DZIP1: variants seen among roughly 807,000 people sequenced by gnomAD.
DZIP1 encodes DAZ interacting zinc finger protein 1.
Under a neutral mutation model 107.6 loss-of-function variants are expected in DZIP1, and 97 were observed. That is an observed-to-expected ratio of 0.90 (90% CI 0.77 to 1.07). DZIP1 has a LOEUF of 1.07. Among genes scored for constraint, DZIP1 ranks in the 50% least tolerant of loss-of-function variants. The pLI is 0.00. For missense variants in DZIP1, 1,035 were observed against 1,063.6 expected, an observed-to-expected ratio of 0.97 and a Z score of 0.37; for synonymous variants, 390 against 386.4, an observed-to-expected ratio of 1.01 and a Z score of -0.11.
intron 16 of DZIP1, among the ~76,000 whole-genome samples, chr13:95,592,423 C>T (rs1023228682): frequency 1.3e-5 from 2 of 152,180 alleles, no homozygotes; most frequent in Non-Finnish European, 2.9e-5. Context: ...CTTTGATTTC[C>T]ACTGCCCAAA....
intron 13 of DZIP1, among the ~76,000 whole-genome samples, chr13:95,608,944 T>A (rs939950240): frequency 2.0e-5 from 3 of 152,256 alleles, no homozygotes; most frequent in Non-Finnish European, 2.9e-5. Context: ...TTAGCTAGTA[T>A]TTTTAAACAA....
intron 14 of DZIP1, among the ~76,000 whole-genome samples, chr13:95,601,152 G>A (rs922679096): frequency 1.3e-5 from 2 of 152,128 alleles, no homozygotes; most frequent in African/African-American, 4.8e-5. Context: ...GTTCTGATGT[G>A]TTTCCCTCTG....
chr13:95,628,317 A>G (rs1025132516), intron 7 of DZIP1, among the ~76,000 whole-genome samples: 5 of 152,204 alleles, frequency 3.3e-5, no homozygotes, highest in African/African-American at 9.7e-5. Context: ...TACTGGGATT[A>G]CAGTTGTGAG....
At position 95,630,113 on chromosome 13, in the gene DZIP1, T is replaced by C. The variant is rs1450058455; in HGVS notation, c.686A>G (p.Glu229Gly). ...RRHTEENSHF[E>G]YQKNAQIEKL... ...CTCAATCTGTGCATTTTTCTGATAC[T>C]CTGTTGCAACAGAAAATCGTGTTAA... The change falls in exon 7 of 23, where the codon GAG becomes GGG. Residue 229 changes from glutamate to glycine, a missense_variant and splice_region_variant. Transcript: ENST00000376829. 1 of 1,608,998 alleles carries C rather than the reference T, an allele frequency of 6.2e-7. No individual in the cohort carries two copies. Among genetic ancestry groups the C allele is most frequent in the Admixed American group, 1.7e-5 (1 of 58,750 alleles).
At chr13:95,594,981 A>G (rs986553345) in intron 15 of DZIP1, among the ~76,000 whole-genome samples, 5 of 152,212 alleles carry the variant, frequency 3.3e-5, no homozygotes, top group Admixed American at 2.6e-4. Context: ...ACTTCATTAA[A>G]GAGATGCGAC....
chr13:95,584,332 A>T (rs2044093963), intron 22 of DZIP1, among the ~76,000 whole-genome samples: 1 of 151,078 alleles, frequency 6.6e-6, no homozygotes, highest in South Asian at 2.1e-4. Context: ...GCGGTGGCCC[A>T]TGCCTGTAAT....
chr13:95,633,337 C>A lies in DZIP1; in HGVS notation c.598-16G>T, dbSNP rs1454793088. The stretch of plus-strand genomic sequence containing the variant: ...AAAAATGGCACTGAAAAGGAGAGAG[C>A]AACAAATCCAAGTGTCTGTAACGAC... On this transcript the variant is annotated splice_polypyrimidine_tract_variant and intron_variant, in intron 5 of 22. Transcript: ENST00000376829. 1 of 1,603,934 alleles carries A rather than the reference C, an allele frequency of 6.2e-7. No individual in the cohort carries two copies. The highest frequency in any genetic ancestry group is 1.7e-5 in the Admixed American group (1 of 59,944).
rs758020739 is a variant in DZIP1 at position 95,619,901 on chromosome 13, T to C, written c.1157A>G (p.Lys386Arg). Residue 386 changes from lysine (K) to arginine (R), a missense_variant, in exon 10 of 23, where the codon AAG becomes AGG. Physicochemically the swap from Lys to Arg is conservative, Grantham distance 26. Transcript: ENST00000376829. Reference protein sequence around the residue: ...ARVQAIHQEHKKEKGRLLSHI... With the variant: ...ARVQAIHQEHRKEKGRLLSHI... Reference sequence around the variant, plus strand: ...TAACCTTACCCGACCCTTCTCTTTCTTGTGTTCTTGATGAATAGCTTGAAC... The same window carrying C: ...TAACCTTACCCGACCCTTCTCTTTCCTGTGTTCTTGATGAATAGCTTGAAC... The C allele has an allele frequency of 6.2e-7, 1 of 1,613,948 alleles. No individual in the cohort carries two copies. The highest frequency in any genetic ancestry group is 1.7e-5 in the Admixed American group (1 of 60,026).
At chr13:95,613,875 C>A (rs1055164903) in intron 10 of DZIP1, among the ~76,000 whole-genome samples, 1 of 152,142 alleles carries the variant, frequency 6.6e-6, no homozygotes, top group African/African-American at 2.4e-5. Context: ...AAAGTCAGTG[C>A]TCTTTCGGGA....
intron 8 of DZIP1, among the ~76,000 whole-genome samples, chr13:95,623,463 G>A (rs1026502510): frequency 4.6e-5 from 7 of 152,272 alleles, no homozygotes; most frequent in Admixed American, 2.0e-4. Flanking sequence ...ATGCAGATTC[G>A]TAACACAAAG....
Position 95,622,451 on chromosome 13 carries a change from C to T in DZIP1, c.1002G>A (p.Met334Ile). ...YQLSEIQKSN[M>I]QIKSNIGTLK... The stretch of plus-strand genomic sequence containing the variant: ...ATGTGCCTATGTTGGACTTGATCTG[C>T]ATATTGGACTTCTGGATTTCTGACA... Residue 334 changes from methionine to isoleucine, a missense_variant, in exon 9 of 23, where the codon ATG (methionine) becomes ATA (isoleucine). Coordinates refer to ENST00000376829, the MANE Select transcript of DZIP1 (RefSeq NM_198968.4). The T allele has an allele frequency of 6.2e-7, 1 of 1,614,184 alleles. No homozygotes were observed. Among genetic ancestry groups the T allele is most frequent in the African/African-American group, 1.3e-5 (1 of 75,044 alleles).
chr13:95,639,071 T>C (rs1235130657), intron 5 of DZIP1, among the ~76,000 whole-genome samples: 1 of 152,176 alleles, frequency 6.6e-6, no homozygotes, highest in African/African-American at 2.4e-5. Context: ...ACTAACTACA[T>C]GCCAAGCACT....
At chr13:95,610,197 A>T (rs1412452870) in intron 12 of DZIP1, among the ~76,000 whole-genome samples, 1 of 152,070 alleles carries the variant, frequency 6.6e-6, no homozygotes, top group Admixed American at 6.6e-5. Flanking sequence ...TGCCGCAGTC[A>T]GTAGGTTGTG....
At chr13:95,589,081 C>T (rs904369177) in intron 19 of DZIP1, 73 bp downstream of exon 19, 2 of 1,230,720 alleles carry the variant, frequency 1.6e-6, no homozygotes, top group African/African-American at 3.0e-5. Flanking sequence ...AATGAGCACG[C>T]TACTTTAAAA....
At chr13:95,622,559 T>C (rs1594715938) in intron 8 of DZIP1, 79 bp from the exon 9 acceptor site, 1 of 1,552,180 alleles carries the variant, frequency 6.4e-7, no homozygotes, top group East Asian at 2.2e-5. Context: ...AGGGAGCACA[T>C]AGCTGTGTTT....
chr13:95,581,051 T>C lies in DZIP1; in HGVS notation c.*1183A>G, dbSNP rs2044004335. The C allele has an allele frequency of 6.6e-6, 1 of 152,202 alleles. No individual in the cohort carries two copies. The highest frequency in any genetic ancestry group is 2.4e-5 in the African/African-American group (1 of 41,438). 9.4% of individuals were successfully genotyped at this position (152,202 alleles called of 1,614,324 possible). A position where few individuals can be genotyped will look rare whatever the true frequency, so the allele number is the denominator to read the frequency against. ...CAATCAAGGCCAGATTCTCCCTCTG[T>C]AAGACCCCTAATAAGTACAAATTTA... On this transcript the variant is annotated 3_prime_UTR_variant, in exon 23 of 23. Transcript: ENST00000376829.
Position 95,642,222 on chromosome 13 carries a change from G to A in DZIP1, c.-193C>T. The A allele has an allele frequency of 1.5e-6, 1 of 660,288 alleles. No individual in the cohort carries two copies. The highest frequency in any genetic ancestry group is 3.4e-5 in the East Asian group (1 of 29,036). 40.9% of individuals were successfully genotyped at this position (660,288 alleles called of 1,614,324 possible). A position where few individuals can be genotyped will look rare whatever the true frequency, so the allele number is the denominator to read the frequency against. ...CAAAGGGCGCGTCTGCCCGCGCAGG[G>A]TCAGCGTGCACCCAGAACCCTGCGG... is the stretch of plus-strand genomic sequence containing the variant. On this transcript the variant is annotated 5_prime_UTR_variant, in exon 4 of 23. Transcript: ENST00000376829.
At chr13:95,637,926 AAT>A (rs1210463048) in intron 5 of DZIP1, among the ~76,000 whole-genome samples, 1 of 152,156 alleles carries the variant, frequency 6.6e-6, no homozygotes, top group Admixed American at 6.6e-5. Context: ...TGTTCATAAA[AAT>A]ATTTTATATG....
At chr13:95,620,598 AC>A (rs2139240109) in intron 9 of DZIP1, among the ~76,000 whole-genome samples, 1 of 152,284 alleles carries the variant, frequency 6.6e-6, no homozygotes, top group South Asian at 2.1e-4. Context: ...ACAACACAAT[AC>A]AGCTGTGTCA....
Sources: allele counts gnomAD v4.1 joint callset (sites outside exome capture counted in the v4.1 genomes callset), GRCh38; gene constraint gnomAD v4.1.1; transcripts MANE v1.5; gene names NCBI Gene and HGNC (gene_info 2026-07-23, HGNC 2026-07-21).